CADM2: variants seen among roughly 807,000 people sequenced by gnomAD.
The protein encoded by CADM2 is immunoglobulin superfamily member 4D.
Under a neutral mutation model 49.8 loss-of-function variants are expected in CADM2, and 12 were observed. The observed-to-expected ratio is 0.24, with a 90% CI of 0.15 to 0.39. The LOEUF (loss-of-function observed/expected upper bound fraction) is 0.39, where lower values mean the gene tolerates loss of function less well. CADM2 is among the 10% of genes least tolerant of loss of function. The probability of loss-of-function intolerance (pLI) is 1.00; values close to 1 mark genes in which losing one functional copy is unlikely to be tolerated. For missense variants in CADM2, 378 were observed against 492.3 expected (o/e 0.77, Z 2.20); for synonymous variants, 214 against 175.4 (o/e 1.22, Z -1.74).
intron 3 of CADM2, among the ~76,000 whole-genome samples, chr3:85,864,900 T>C (rs1469204351): frequency 2.0e-5 from 3 of 152,224 alleles, no homozygotes; most frequent in Non-Finnish European, 4.4e-5. Flanking sequence ...CTCCTTTTTA[T>C]TCCAACTCTC....
chr3:85,106,488 G>T (rs2038231843), intron 1 of CADM2, among the ~76,000 whole-genome samples: 1 of 152,054 alleles, frequency 6.6e-6, no homozygotes, highest in South Asian at 2.1e-4. Flanking sequence ...CAGTATTTGG[G>T]CACAGGTTCC....
intron 1 of CADM2, among the ~76,000 whole-genome samples, chr3:85,427,137 C>T (rs1326893973): frequency 7.1e-6 from 1 of 141,726 alleles, no homozygotes; most frequent in African/African-American, 2.8e-5. Context: ...TGAGTTGAAA[C>T]ATTACTCACT....
intron 1 of CADM2, among the ~76,000 whole-genome samples, chr3:85,292,703 G>C (rs550759437): frequency 3.9e-5 from 6 of 152,036 alleles, no homozygotes; most frequent in African/African-American, 1.4e-4. Context: ...GGTACATAAC[G>C]AAATGAAGGC....
intron 1 of CADM2, among the ~76,000 whole-genome samples, chr3:85,558,987 G>A (rs1375547): frequency 0.16 from 24,719 of 152,018 alleles, 2,506 homozygotes; most frequent in Non-Finnish European, 0.22. Context: ...GATTACGTAT[G>A]CATTTGATTA....
intron 1 of CADM2, among the ~76,000 whole-genome samples, chr3:85,304,289 T>G (rs889064622): frequency 6.6e-6 from 1 of 151,834 alleles, no homozygotes; most frequent in Non-Finnish European, 1.5e-5. Context: ...ATACCAGATA[T>G]TCTTGTAATT....
At chr3:85,933,956 C>T (rs2108534315) in intron 6 of CADM2, among the ~76,000 whole-genome samples, 1 of 152,224 alleles carries the variant, frequency 6.6e-6, no homozygotes, top group African/African-American at 2.4e-5. Context: ...AGTCTACCAA[C>T]TTTAATGTTA....
chr3:85,822,338 C>G (rs919158934), intron 3 of CADM2, among the ~76,000 whole-genome samples: 1 of 152,130 alleles, frequency 6.6e-6, no homozygotes, highest in African/African-American at 2.4e-5. Context: ...AAACCCAGCA[C>G]TTTGGGAGGC....
intron 1 of CADM2, among the ~76,000 whole-genome samples, chr3:85,715,026 T>TTATACATTTATATAATG (rs1204624051): frequency 1.5e-4 from 23 of 152,210 alleles, no homozygotes; most frequent in African/African-American, 5.3e-4. Flanking sequence ...TAATATACAT[T>TTATACATTTATATAATG]TATACATTTA....
chr3:85,623,990 T>C (rs1361646227), intron 1 of CADM2, among the ~76,000 whole-genome samples: 2 of 152,122 alleles, frequency 1.3e-5, no homozygotes, highest in Non-Finnish European at 2.9e-5. Flanking sequence ...TGGTTTTAAA[T>C]GAGTAATTGA....
chr3:86,048,725 A>G (rs1736969354), intron 8 of CADM2, among the ~76,000 whole-genome samples: 2 of 152,150 alleles, frequency 1.3e-5, no homozygotes, highest in African/African-American at 2.4e-5. Context: ...TTCCATTGAC[A>G]TGACATAACT....
At chr3:85,493,261 TGA>T (rs1206275038) in intron 1 of CADM2, among the ~76,000 whole-genome samples, 1 of 152,136 alleles carries the variant, frequency 6.6e-6, no homozygotes, top group East Asian at 1.9e-4. Context: ...CAACTAAAAT[TGA>T]GAGTGCTTCC....
chr3:85,242,295 A>T (rs1186652268), intron 1 of CADM2, among the ~76,000 whole-genome samples: 1 of 151,338 alleles, frequency 6.6e-6, no homozygotes, highest in Admixed American at 6.6e-5. Flanking sequence ...GTATTTTTTT[A>T]ATGTAGAGGA....
intron 1 of CADM2, among the ~76,000 whole-genome samples, chr3:85,322,605 A>G (rs1348635857): frequency 6.6e-6 from 1 of 152,240 alleles, no homozygotes; most frequent in Non-Finnish European, 1.5e-5. Flanking sequence ...AAATAAATAA[A>G]TATGCAAAAC....
At chr3:85,118,241 G>A (rs1265791892) in intron 1 of CADM2, among the ~76,000 whole-genome samples, 1 of 151,184 alleles carries the variant, frequency 6.6e-6, no homozygotes, top group Non-Finnish European at 1.5e-5. Flanking sequence ...GCCCATAAGA[G>A]TACATAAAAT....
At chr3:85,067,224 A>G (rs1221411170) in intron 1 of CADM2, among the ~76,000 whole-genome samples, 2 of 151,986 alleles carry the variant, frequency 1.3e-5, no homozygotes, top group Non-Finnish European at 2.9e-5. Context: ...GGAAAGTACA[A>G]CTAATATTAT....
chr3:85,998,690 A>G (rs1016708031), intron 8 of CADM2, among the ~76,000 whole-genome samples: 1 of 152,150 alleles, frequency 6.6e-6, no homozygotes, highest in Non-Finnish European at 1.5e-5. Context: ...AAATGAAATG[A>G]TAAAACGGTA....
intron 1 of CADM2, among the ~76,000 whole-genome samples, chr3:84,971,309 G>A (rs545198695): frequency 2.0e-5 from 3 of 152,104 alleles, no homozygotes; most frequent in South Asian, 2.1e-4. Flanking sequence ...TTGATTTTAC[G>A]GAAAGATTTC....
intron 1 of CADM2, among the ~76,000 whole-genome samples, chr3:85,212,823 T>C (rs532253668): frequency 1.4e-4 from 11 of 81,084 alleles, no homozygotes; most frequent in African/African-American, 4.0e-4. Flanking sequence ...TCTTTCTTTC[T>C]TTCTTTCTTT....
chr3:85,612,624 A>G (rs1297024813), intron 1 of CADM2, among the ~76,000 whole-genome samples: 1 of 151,774 alleles, frequency 6.6e-6, no homozygotes, highest in Non-Finnish European at 1.5e-5. Context: ...GTAAGATTTA[A>G]ATACCATTAT....
Sources: gnomAD v4.1 joint callset for allele counts (sites outside exome capture counted in the v4.1 genomes callset) on GRCh38, gnomAD v4.1.1 for gene constraint, MANE v1.5 for transcripts, NCBI Gene and HGNC (gene_info 2026-07-23, HGNC 2026-07-21) for gene names.